MRTFB: variants seen among roughly 807,000 people sequenced by gnomAD.
MRTFB encodes the protein myocardin-related transcription factor B.
MRTFB carries 29 observed loss-of-function variants against 104.2 expected under a neutral mutation model. That is an observed-to-expected ratio of 0.28 (90% confidence interval 0.21 to 0.38). The LOEUF is 0.38. MRTFB is among the 10% of genes least tolerant of loss of function. The pLI is 1.00. For missense variants in MRTFB, 1,270 were observed against 1,341.6 expected (o/e 0.95, Z 0.83); for synonymous variants, 535 against 519.5 (o/e 1.03, Z -0.41).
chr16:14,046,241 G>A, the MRTFB span, among the ~76,000 whole-genome samples: 10 of 152,110 alleles, frequency 6.6e-5, no homozygotes, highest in African/African-American at 1.7e-4. Flanking sequence ...TGGGAGGAAC[G>A]CTTGAGCCCA....
At chr16:14,123,574 G>A (rs1315347712) in intron 2 of MRTFB, among the ~76,000 whole-genome samples, 5 of 150,452 alleles carry the variant, frequency 3.3e-5, no homozygotes, top group Admixed American at 1.3e-4. Context: ...AGGTTTGTCA[G>A]GTTGTTGATG....
the MRTFB span, among the ~76,000 whole-genome samples, chr16:14,043,645 G>A: frequency 1.7e-4 from 26 of 152,324 alleles, no homozygotes; most frequent in East Asian, 5.8e-4. Context: ...GCTGCTTAGC[G>A]TCTCTGAGCC....
At chr16:14,256,636 A>C (rs1052786548) in intron 15 of MRTFB, among the ~76,000 whole-genome samples, 3 of 152,230 alleles carry the variant, frequency 2.0e-5, no homozygotes, top group African/African-American at 7.2e-5. Flanking sequence ...TTGCCAGTCA[A>C]GGGCATTCCC....
chr16:14,210,149 C>T (rs769117325), intron 3 of MRTFB, 94 bp from the exon 4 acceptor site: 60 of 855,756 alleles, frequency 7.0e-5, no homozygotes, highest in Non-Finnish European at 1.1e-4. Context: ...ATAGAAGATG[C>T]TTGATAAAGC....
the MRTFB span, among the ~76,000 whole-genome samples, chr16:14,043,728 A>C: frequency 2.0e-5 from 3 of 152,224 alleles, no homozygotes; most frequent in Non-Finnish European, 4.4e-5. Context: ...AATCAAGGAT[A>C]TCATAGCTAA....
chr16:14,182,493 C>T (rs375294603), intron 3 of MRTFB, among the ~76,000 whole-genome samples: 5 of 152,192 alleles, frequency 3.3e-5, no homozygotes, highest in South Asian at 2.1e-4. Context: ...TACAGACATA[C>T]GTACTTAAAT....
chr16:14,052,010 T>C, the MRTFB span, among the ~76,000 whole-genome samples: 1 of 152,122 alleles, frequency 6.6e-6, no homozygotes, highest in Non-Finnish European at 1.5e-5. Context: ...CACATCAAGT[T>C]TTGCAAGGGG....
intron 3 of MRTFB, among the ~76,000 whole-genome samples, chr16:14,157,749 A>G (rs1198005212): frequency 6.6e-6 from 1 of 152,250 alleles, no homozygotes; most frequent in Non-Finnish European, 1.5e-5. Flanking sequence ...TGACCTGCTG[A>G]TGCTACAGAT....
At chr16:14,233,737 C>A (rs548140592) in intron 8 of MRTFB, among the ~76,000 whole-genome samples, 41 of 144,784 alleles carry the variant, frequency 2.8e-4, no homozygotes, top group African/African-American at 1.1e-3. Context: ...TTGCAGTGAG[C>A]CAAGATCACC....
chr16:14,135,458 T>G (rs1190767649), intron 2 of MRTFB, among the ~76,000 whole-genome samples: 2 of 152,154 alleles, frequency 1.3e-5, no homozygotes, highest in African/African-American at 4.8e-5. Context: ...GCCGTACAGG[T>G]TTTTGTAGCC....
chr16:14,067,581 G>A (rs958778525), upstream of MRTFB, among the ~76,000 whole-genome samples: 6 of 151,868 alleles, frequency 4.0e-5, no homozygotes, highest in Admixed American at 2.6e-4. Flanking sequence ...TTTTTTCTTC[G>A]CTTTTATTTT....
chr16:14,067,822 A>T (rs1567283497), upstream of MRTFB, among the ~76,000 whole-genome samples: 1 of 152,218 alleles, frequency 6.6e-6, no homozygotes, highest in Non-Finnish European at 1.5e-5. Flanking sequence ...AAATATAATT[A>T]AAAACTAATT....
intron 3 of MRTFB, among the ~76,000 whole-genome samples, chr16:14,167,126 A>G (rs913366246): frequency 7.9e-5 from 12 of 152,168 alleles, no homozygotes; most frequent in African/African-American, 2.9e-4. Flanking sequence ...ATTCCCACCA[A>G]CAGTGTAAAA....
the MRTFB span, chr16:14,009,404 G>C: frequency 3.3e-5 from 5 of 152,122 alleles, no homozygotes; most frequent in Non-Finnish European, 5.9e-5. Context: ...CATTCAAATA[G>C]TTTTTGGTAG....
At chr16:14,187,111 AC>A (rs1457093506) in intron 3 of MRTFB, 1 of 1,219,546 alleles carries the variant, frequency 8.2e-7, no homozygotes, top group Non-Finnish European at 1.1e-6. Context: ...TCTGTCTGTT[AC>A]CATGCTATGT....
chr16:14,173,144 C>T (rs1323638880), intron 3 of MRTFB, among the ~76,000 whole-genome samples: 1 of 151,760 alleles, frequency 6.6e-6, no homozygotes, highest in Non-Finnish European at 1.5e-5. Flanking sequence ...TCTGGTTAGG[C>T]CTCTCCCTCC....
At chr16:14,077,274 T>C (rs2034121233) in intron 1 of MRTFB, among the ~76,000 whole-genome samples, 1 of 152,216 alleles carries the variant, frequency 6.6e-6, no homozygotes, top group Non-Finnish European at 1.5e-5. Context: ...GGATTTATTC[T>C]GGTGTTCAGA....
At chr16:14,060,802 G>A in the MRTFB span, among the ~76,000 whole-genome samples, 67 of 152,160 alleles carry the variant, frequency 4.4e-4, no homozygotes, top group African/African-American at 1.4e-3. Context: ...TATATCAGGC[G>A]GGATAGGCTA....
the MRTFB span, among the ~76,000 whole-genome samples, chr16:14,024,605 AG>A: frequency 6.6e-6 from 1 of 152,250 alleles, no homozygotes; most frequent in East Asian, 1.9e-4. Flanking sequence ...GACATCACGA[AG>A]AAGGATGGCC....
Sources: gnomAD v4.1 joint callset for allele counts (sites outside exome capture counted in the v4.1 genomes callset) on GRCh38, gnomAD v4.1.1 for gene constraint, MANE v1.5 for transcripts, NCBI Gene and HGNC (gene_info 2026-07-23, HGNC 2026-07-21) for gene names.